The following CADM1 variants were observed in gnomAD, a reference collection of about 807,000 sequenced individuals.
CADM1 encodes the protein cell adhesion molecule 1.
A neutral mutation model predicts 53.1 loss-of-function variants in CADM1; 15 were observed. The ratio of observed to expected loss-of-function variants is 0.28; its 90% CI spans 0.19 to 0.44. The LOEUF is 0.44. CADM1 is among the 20% of genes least tolerant of loss of function. The pLI, the probability that CADM1 is intolerant of heterozygous loss-of-function variation, is 1.00. For missense variants in CADM1, 434 were observed against 611.3 expected (o/e 0.71, Z 3.06); for synonymous variants, 281 against 243.0 (o/e 1.16, Z -1.45).
At chr11:115,236,689 C>G (rs532971875) in intron 3 of CADM1, among the ~76,000 whole-genome samples, 2 of 152,128 alleles carry the variant, frequency 1.3e-5, no homozygotes, top group East Asian at 3.9e-4. Context: ...GCAGTAGTAA[C>G]TGCTTGCCAA....
chr11:115,439,550 C>T (rs1339183386), intron 1 of CADM1, among the ~76,000 whole-genome samples: 1 of 152,192 alleles, frequency 6.6e-6, no homozygotes, highest in East Asian at 1.9e-4. Context: ...TGTTGACAGA[C>T]TGCAGCTGAA....
intron 1 of CADM1, among the ~76,000 whole-genome samples, chr11:115,281,424 G>T (rs776183539): frequency 2.6e-5 from 4 of 152,158 alleles, no homozygotes; most frequent in African/African-American, 9.7e-5. Flanking sequence ...ACATCTTGCA[G>T]AAAAATAGAT....
chr11:115,252,889 T>G (rs1316045500), intron 1 of CADM1, among the ~76,000 whole-genome samples: 2 of 152,200 alleles, frequency 1.3e-5, no homozygotes, highest in Admixed American at 1.3e-4. Context: ...CACAAAAGCT[T>G]GCTGTCTTCC....
chr11:115,351,761 CTCTT>C (rs1449371287), intron 1 of CADM1, among the ~76,000 whole-genome samples: 1 of 152,162 alleles, frequency 6.6e-6, no homozygotes, highest in Non-Finnish European at 1.5e-5. Context: ...AACCAGCATG[CTCTT>C]TCTCATTCTC....
intron 1 of CADM1, among the ~76,000 whole-genome samples, chr11:115,463,181 T>C (rs1006179346): frequency 6.6e-6 from 1 of 152,142 alleles, no homozygotes; most frequent in Non-Finnish European, 1.5e-5. Flanking sequence ...GGCTATTGAT[T>C]GATCCTATGG....
At chr11:115,232,960 T>C (rs1462059468) in intron 3 of CADM1, among the ~76,000 whole-genome samples, 4 of 152,228 alleles carry the variant, frequency 2.6e-5, no homozygotes, top group Non-Finnish European at 4.4e-5. Context: ...CTTCAATAAA[T>C]TATGGTATTA....
intron 1 of CADM1, among the ~76,000 whole-genome samples, chr11:115,350,606 C>A (rs1296288883): frequency 4.8e-5 from 7 of 145,874 alleles, no homozygotes; most frequent in Admixed American, 6.9e-5. Context: ...GGCTAGCTGG[C>A]TAATTTATTC....
chr11:115,432,005 C>T (rs1471309172), intron 1 of CADM1, among the ~76,000 whole-genome samples: 3 of 151,906 alleles, frequency 2.0e-5, no homozygotes, highest in East Asian at 1.9e-4. Flanking sequence ...AGGGCAGTGG[C>T]GTGATCTCGG....
At chr11:115,402,205 A>C (rs997481437) in intron 1 of CADM1, among the ~76,000 whole-genome samples, 1 of 152,198 alleles carries the variant, frequency 6.6e-6, no homozygotes, top group African/African-American at 2.4e-5. Context: ...ATCACAGACA[A>C]GGGAATTATA....
chr11:115,426,492 C>A (rs1403316883), intron 1 of CADM1, among the ~76,000 whole-genome samples: 1 of 152,066 alleles, frequency 6.6e-6, no homozygotes, highest in Non-Finnish European at 1.5e-5. Context: ...AAAGCCTTTC[C>A]CCTTTTATTT....
intron 1 of CADM1, among the ~76,000 whole-genome samples, chr11:115,243,057 G>A (rs544199376): frequency 2.2e-4 from 33 of 152,314 alleles, no homozygotes; most frequent in Non-Finnish European, 4.7e-4. Flanking sequence ...CAATAAAACA[G>A]AGTGAGGTTT....
chr11:115,177,248 C>T lies in CADM1; in HGVS notation c.1298-656G>A, dbSNP rs573665924. On this transcript the variant is annotated intron_variant, in intron 11 of 11. Coordinates refer to ENST00000331581, the MANE Select transcript of CADM1 (RefSeq NM_001301043.2). ...TAATGAGCAAGTAGGTCTCTCTCAT[C>T]GTATAACTCTAGCCCGGACCCGGAT... Among the ~76,000 whole-genome samples, 35 of 152,302 alleles carry T rather than the reference C, an allele frequency of 2.3e-4. 1 individual carries two copies. In the South Asian group the frequency reaches 4.6e-3, roughly 20 times the overall value.
chr11:115,307,892 ACT>A (rs1490025293), intron 1 of CADM1, among the ~76,000 whole-genome samples: 1 of 151,814 alleles, frequency 6.6e-6, no homozygotes, highest in African/African-American at 2.4e-5. Context: ...GATAGCTACA[ACT>A]GGGCTTTCTT....
At chr11:115,317,319 T>C (rs992363583) in intron 1 of CADM1, among the ~76,000 whole-genome samples, 3 of 152,084 alleles carry the variant, frequency 2.0e-5, no homozygotes, top group African/African-American at 4.8e-5. Context: ...ACGAAAAATT[T>C]AAATAGGGCC....
At chr11:115,461,568 A>G (rs571137212) in intron 1 of CADM1, among the ~76,000 whole-genome samples, 1 of 152,354 alleles carries the variant, frequency 6.6e-6, no homozygotes. Context: ...CACATGAAGC[A>G]TGAAAAGAAG....
intron 1 of CADM1, chr11:115,445,615 G>A (rs776347521): frequency 1.6e-4 from 46 of 290,964 alleles, no homozygotes; most frequent in Admixed American, 2.4e-4. Flanking sequence ...AGATTGAGGC[G>A]AATGGATTAC....
Position 115,259,365 on chromosome 11 carries a change from G to A in CADM1, c.125-18945C>T, listed in dbSNP as rs1942897474. Among the ~76,000 whole-genome samples, 3 of 135,980 alleles carry A rather than the reference G, an allele frequency of 2.2e-5. No homozygotes were observed. The South Asian group carries it at 7.1e-4, about 32-fold the overall frequency. The allele number at this position is 135,980 out of a possible 152,430, so 89.2% of individuals were successfully genotyped here. A position where few individuals can be genotyped will look rare whatever the true frequency, so the allele number is the denominator to read the frequency against. The stretch of plus-strand genomic sequence containing the variant: ...TGGTTGCCCAGGCTGGAGCACAGTG[G>A]TGCCATCTCGGCTCACCGCAACCTC... On this transcript the variant is annotated intron_variant, in intron 1 of 11. Transcript: ENST00000331581.
At chr11:115,303,214 A>C (rs1336639833) in intron 1 of CADM1, among the ~76,000 whole-genome samples, 1 of 152,026 alleles carries the variant, frequency 6.6e-6, no homozygotes, top group African/African-American at 2.4e-5. Flanking sequence ...ATGAAGCTGG[A>C]AAGGGGAATA....
At chr11:115,292,930 G>C (rs888591845) in intron 1 of CADM1, among the ~76,000 whole-genome samples, 9 of 152,162 alleles carry the variant, frequency 5.9e-5, no homozygotes, top group South Asian at 4.1e-4. Flanking sequence ...TTTGCATACT[G>C]TAATAGCCTT....
Sources: gnomAD v4.1 joint callset for allele counts (sites outside exome capture counted in the v4.1 genomes callset) on GRCh38, gnomAD v4.1.1 for gene constraint, MANE v1.5 for transcripts, NCBI Gene and HGNC (gene_info 2026-07-23, HGNC 2026-07-21) for gene names.